Variants in CNTRL observed in about 807,000 individuals in gnomAD.
CNTRL encodes the protein centriolin, also known as 110 kDa centrosomal protein.
A neutral mutation model predicts 303.7 loss-of-function variants in CNTRL; 233 were observed. That is an observed-to-expected ratio of 0.77 (90% confidence interval 0.69 to 0.86). CNTRL has a LOEUF of 0.86. CNTRL is among the 40% of genes least tolerant of loss of function. The probability of loss-of-function intolerance (pLI) is 0.00; values close to 1 mark genes in which losing one functional copy is unlikely to be tolerated. For missense variants in CNTRL, 2,524 were observed against 2,650.6 expected, an observed-to-expected ratio of 0.95 and a Z score of 1.05; for synonymous variants, 900 against 922.2, an observed-to-expected ratio of 0.98 and a Z score of 0.44.
chr9:121,163,138 G>A (rs2052927787), intron 34 of CNTRL, among the ~76,000 whole-genome samples: 1 of 149,642 alleles, frequency 6.7e-6, no homozygotes, highest in Non-Finnish European at 1.5e-5. Flanking sequence ...CCAGGAGTTT[G>A]AGACCAGCCT....
rs1396977759 is a variant in CNTRL, at chr9:121,140,830, A to G, written c.2483+44A>G. 5 of 1,574,002 alleles carry G rather than the reference A, an allele frequency of 3.2e-6. No homozygotes were observed. In the African/African-American group the frequency reaches 4.1e-5, roughly 13 times the overall value. On this transcript the variant is annotated intron_variant, in intron 17 of 43. Transcript: ENST00000373855. The stretch of plus-strand genomic sequence containing the variant: ...CTCCAAGTCTAGAGTGGGCCTCACA[A>G]CTTGAGAGTTGTGAGTGTGAGGTTC...
chr9:121,144,096 T>A lies in CNTRL; in HGVS notation c.3051+14T>A. The A allele has an allele frequency of 6.3e-7, 1 of 1,584,802 alleles. No homozygotes were observed. The highest frequency in any genetic ancestry group is 8.6e-7 in the Non-Finnish European group (1 of 1,166,924). On this transcript the variant is annotated intron_variant, in intron 20 of 43. Transcript: ENST00000373855. ...GAGCGAGCAGAGGTGAGTTCACATGTACAGAACAGGTTTCCATCAATGATG... is the reference window on the plus strand; with the variant it reads ...GAGCGAGCAGAGGTGAGTTCACATGAACAGAACAGGTTTCCATCAATGATG...
chr9:121,098,316 T>C, intron 6 of CNTRL, 70 bp from the exon 7 acceptor site: 2 of 1,190,320 alleles, frequency 1.7e-6, no homozygotes, highest in Non-Finnish European at 2.4e-6. Context: ...TTCCTTGATT[T>C]GTAACTTCCT....
intron 10 of CNTRL, 91 bp from the exon 11 acceptor site, chr9:121,115,000 G>A (rs964470078): frequency 1.1e-5 from 8 of 741,902 alleles, no homozygotes; most frequent in Non-Finnish European, 1.8e-5. Flanking sequence ...CAGGGAGAAG[G>A]TTATTACAAA....
chr9:121,167,964 A>T, intron 37 of CNTRL, 132 bp from the exon 38 acceptor site: 1 of 795,978 alleles, frequency 1.3e-6, no homozygotes, highest in Non-Finnish European at 2.0e-6. Flanking sequence ...CCTCTTGATC[A>T]CCTCTGTAAT....
At chr9:121,171,129 A>G (rs758146596) in intron 39 of CNTRL, among the ~76,000 whole-genome samples, 1 of 152,248 alleles carries the variant, frequency 6.6e-6, no homozygotes, top group Non-Finnish European at 1.5e-5. Flanking sequence ...TAACCCTGTG[A>G]TGATGGGTAT....
intron 14 of CNTRL, 145 bp downstream of exon 14, chr9:121,126,081 CT>C (rs1027724882): frequency 2.3e-3 from 1,255 of 544,754 alleles, no homozygotes; most frequent in Middle Eastern, 3.2e-3. Flanking sequence ...AACAGTTGGG[CT>C]TTTTTTTTTC....
chr9:121,124,189 A>G (rs1588167728), intron 13 of CNTRL, 105 bp downstream of exon 13: 12 of 937,906 alleles, frequency 1.3e-5, no homozygotes, highest in Non-Finnish European at 1.2e-5. Context: ...CAGTTCACCT[A>G]TTAGTACTAG....
At chr9:121,171,029 T>G (rs2053279833) in intron 39 of CNTRL, among the ~76,000 whole-genome samples, 1 of 152,146 alleles carries the variant, frequency 6.6e-6, no homozygotes, top group African/African-American at 2.4e-5. Flanking sequence ...TTAAACCATG[T>G]GTGTCTCTCA....
chr9:121,156,260 A>G (rs1271526486), intron 27 of CNTRL, among the ~76,000 whole-genome samples: 3 of 152,158 alleles, frequency 2.0e-5, no homozygotes, highest in Admixed American at 6.6e-5. Context: ...GGTAGTAGGC[A>G]GAGGTAGTAA....
Position 121,113,628 on chromosome 9 carries a change from G to A in CNTRL, c.1249G>A (p.Glu417Lys). 6.2e-7 allele frequency: 1 copy of A among 1,609,164 alleles called. No homozygotes were observed. Among genetic ancestry groups the A allele is most frequent in the Non-Finnish European group, 8.5e-7 (1 of 1,178,390 alleles). ...TCAGGCAGTACAGATCAAGAAGATG[G>A]AGCCAGATGAACAACTTAGAAATGA... ...SAQAVQIKKM[E>K]PDEQLRNDHM... Residue 417 changes from glutamate (E) to lysine (K), a missense_variant, in exon 10 of 44, where the codon GAG (glutamate) becomes AAG (lysine). Glu to Lys is a moderately conservative substitution (Grantham distance 56). Coordinates refer to ENST00000373855, the MANE Select transcript of CNTRL (RefSeq NM_007018.6).
At chr9:121,160,066 TAA>T (rs2052773708) in intron 31 of CNTRL, 75 bp from the exon 32 acceptor site, 1 of 1,124,724 alleles carries the variant, frequency 8.9e-7, no homozygotes, top group Non-Finnish European at 1.2e-6. Context: ...TATAAAACAA[TAA>T]ATAACAGAAC....
intron 14 of CNTRL, among the ~76,000 whole-genome samples, chr9:121,130,394 C>G (rs1367981035): frequency 2.0e-5 from 3 of 152,096 alleles, no homozygotes; most frequent in Non-Finnish European, 4.4e-5. Context: ...TCCATTTCTT[C>G]TAGATTTTCT....
At chr9:121,177,110 CTG>C (rs1248497946) in intron 43 of CNTRL, 51 bp from the exon 44 acceptor site, 2 of 1,462,734 alleles carry the variant, frequency 1.4e-6, no homozygotes, top group African/African-American at 2.8e-5. Context: ...TTAGTTAAGA[CTG>C]TTTTTACTGT....
At chr9:121,113,851 C>A in intron 10 of CNTRL, 127 bp downstream of exon 10, 1 of 534,294 alleles carries the variant, frequency 1.9e-6, no homozygotes, top group Non-Finnish European at 3.0e-6. Context: ...AAGTCTAAAA[C>A]AAAAGTAGTG....
At chr9:121,152,751 C>G (rs566981100) in intron 26 of CNTRL, 58 bp downstream of exon 26, 4 of 1,265,132 alleles carry the variant, frequency 3.2e-6, no homozygotes, top group African/African-American at 3.0e-5. Context: ...TTAATGCTGT[C>G]GAACAGAACT....
In CNTRL at chr9:121,107,962, A is replaced by G. The variant is rs764657555; in HGVS notation, c.969A>G (p.Glu323=). ...TGTTACAGAAACAGAGCTGTGAGGA[A>G]CTCAAGAGTGACTTAAACACAAAAA... ...EAMLQKQSCE[E]LKSDLNTKNE... is the part of the protein sequence containing the mutation. The change falls in exon 8 of 44, where the codon GAA becomes GAG. Residue 323 remains glutamate, a synonymous_variant. Coordinates refer to ENST00000373855, the MANE Select transcript of CNTRL (RefSeq NM_007018.6). 5.7e-6 allele frequency: 9 copies of G among 1,587,062 alleles called. No homozygotes were observed. In the South Asian group the frequency reaches 9.3e-5, roughly 16 times the overall value.
At position 121,169,833 on chromosome 9, in the gene CNTRL, G is replaced by T. The variant is rs748907076; in HGVS notation, c.6276+17G>T. The T allele has an allele frequency of 6.2e-7, 1 of 1,603,768 alleles. No homozygotes were observed. Among genetic ancestry groups the T allele is most frequent in the African/African-American group, 1.3e-5 (1 of 74,534 alleles). On this transcript the variant is annotated intron_variant, in intron 39 of 43. Transcript: ENST00000373855. Reference sequence around the variant, plus strand: ...AACCTTCTTGTGAGTACCTGCTGCCGTGGCAGTTTGTGAGGAAATGATAAA... The same window carrying T: ...AACCTTCTTGTGAGTACCTGCTGCCTTGGCAGTTTGTGAGGAAATGATAAA...
At chr9:121,123,747 G>T (rs926541750) in intron 12 of CNTRL, among the ~76,000 whole-genome samples, 184 bp from the exon 13 acceptor site, 1 of 152,146 alleles carries the variant, frequency 6.6e-6, no homozygotes, top group South Asian at 2.1e-4. Context: ...AATGATTTCC[G>T]TATCAAGTTA....
Sources: gnomAD v4.1 joint callset for allele counts (sites outside exome capture counted in the v4.1 genomes callset) on GRCh38, gnomAD v4.1.1 for gene constraint, MANE v1.5 for transcripts, NCBI Gene and HGNC (gene_info 2026-07-23, HGNC 2026-07-21) for gene names.